VGLL1: variants seen among roughly 807,000 people sequenced by gnomAD.
The protein encoded by VGLL1 is vestigial like family member 1, also known as transcription cofactor vestigial-like protein 1.
In VGLL1, 4 loss-of-function variants were observed where a neutral mutation model predicts 12.0. The ratio of observed to expected loss-of-function variants is 0.33; its 90% confidence interval spans 0.16 to 0.76. The LOEUF is 0.76. Ranked by LOEUF, VGLL1 falls within the 30% of genes least tolerant of loss-of-function variation. The pLI, the probability that VGLL1 is intolerant of heterozygous loss-of-function variation, is 0.60. For missense variants in VGLL1, 204 were observed against 208.7 expected, an observed-to-expected ratio of 0.98 and a Z score of 0.14; for synonymous variants, 87 against 81.2, an observed-to-expected ratio of 1.07 and a Z score of -0.39.
In VGLL1 at chrX:136,546,913, G is replaced by A. The variant is rs752801363; in HGVS notation, c.215-1676G>A. ...TATTGTCTTGCCTTTGGTTTCATAA[G>A]AAGGGCCAACCATCCCCCATCACTC... On this transcript the variant is annotated intron_variant, in intron 2 of 4. Transcript: ENST00000370634. Among the ~76,000 whole-genome samples the A allele has an allele frequency of 3.5e-5, 4 of 112,957 alleles. No individual in the cohort carries two copies. In the East Asian group the frequency reaches 8.3e-4, roughly 23 times the overall value.
intron 2 of VGLL1, among the ~76,000 whole-genome samples, chrX:136,547,842 T>C (rs903258793): frequency 8.9e-6 from 1 of 111,870 alleles, no homozygotes; most frequent in Non-Finnish European, 1.9e-5. Flanking sequence ...ATGCTCATTG[T>C]AATGCTGTTA....
In VGLL1 at chrX:136,548,847, A is replaced by G. The variant is rs145622150; in HGVS notation, c.473A>G (p.Glu158Gly). Residue 158 changes from glutamate to glycine, a missense_variant, in exon 3 of 5, where the codon GAG becomes GGG. Physicochemically the swap from Glu to Gly is moderately conservative, Grantham distance 98. Coordinates refer to ENST00000370634, the MANE Select transcript of VGLL1 (RefSeq NM_016267.4). ...HPFPARHLVP[E>G]PQPDGKREPL... ...TTCCCCGCTCGGCACCTGGTTCCAG[A>G]GCCCCAGCCTGATGGGAAACGTGAG... 2.7e-5 allele frequency: 33 copies of G among 1,210,548 alleles called. No individual in the cohort carries two copies. The African/African-American group carries it at 5.6e-4, about 21-fold the overall frequency.
intron 2 of VGLL1, among the ~76,000 whole-genome samples, chrX:136,544,926 C>T (rs1326083892): frequency 8.9e-6 from 1 of 111,871 alleles, no homozygotes; most frequent in Non-Finnish European, 1.9e-5. Context: ...GTTCTTAGGC[C>T]TCATGCATTA....
At chrX:136,539,538 C>A (rs2075850086) in intron 2 of VGLL1, among the ~76,000 whole-genome samples, 1 of 111,307 alleles carries the variant, frequency 9.0e-6, no homozygotes, top group African/African-American at 3.3e-5. Flanking sequence ...TGCAGTCAGC[C>A]CATAACATTA....
intron 3 of VGLL1, among the ~76,000 whole-genome samples, chrX:136,550,184 C>T (rs1424478186): frequency 8.9e-6 from 1 of 112,295 alleles, no homozygotes; most frequent in African/African-American, 3.2e-5. Context: ...ATTTCCTACC[C>T]CTCTACTCTT....
chrX:136,536,191 A>T lies in VGLL1; in HGVS notation c.171A>T (p.Glu57Asp), dbSNP rs1370579885. ...RALSNIKSPQ[E>D]LTPSSQSEGV... ...TGAGCAATATCAAGAGCCCCCAGGA[A>T]TTGACCCCCTCGAGTCAGAGTGAAG... is the stretch of plus-strand genomic sequence containing the variant. Residue 57 changes from glutamate (E) to aspartate (D), a missense_variant, in exon 2 of 5, where the codon GAA (glutamate) becomes GAT (aspartate). Physicochemically the swap from Glu to Asp is conservative, Grantham distance 45. Transcript: ENST00000370634. 2 of 1,211,280 alleles carry T rather than the reference A, an allele frequency of 1.7e-6. No individual in the cohort carries two copies. Among genetic ancestry groups the T allele is most frequent in the Non-Finnish European group, 2.2e-6 (2 of 895,423 alleles).
chrX:136,533,032 G>T (rs760429416), intron 1 of VGLL1, among the ~76,000 whole-genome samples: 1 of 111,421 alleles, frequency 9.0e-6, no homozygotes, highest in East Asian at 2.8e-4. Context: ...ACCTCTTATG[G>T]AGGGCTCATT....
Position 136,549,155 on chromosome X carries a change from C to T in VGLL1, c.634+147C>T, listed in dbSNP as rs932726404. 6 of 571,645 alleles carry T rather than the reference C, an allele frequency of 1.0e-5. No homozygotes were observed. In the Admixed American group the frequency reaches 1.6e-4, roughly 15 times the overall value. 47.1% of individuals were successfully genotyped at this position (571,645 alleles called of 1,213,427 possible). On this transcript the variant is annotated intron_variant, in intron 3 of 4. Coordinates refer to ENST00000370634, the MANE Select transcript of VGLL1 (RefSeq NM_016267.4). ...GAAGGGATGTTCTGCTTAAATGTTC[C>T]ATACATCTTCACTAGGCTTCATTGA...
At chrX:136,542,037 C>T (rs2075857683) in intron 2 of VGLL1, among the ~76,000 whole-genome samples, 1 of 109,663 alleles carries the variant, frequency 9.1e-6, no homozygotes, top group South Asian at 3.9e-4. Context: ...TGTCCTGTCC[C>T]CAGCCCCAGT....
chrX:136,550,981 A>AT, intron 4 of VGLL1, 160 bp downstream of exon 4: 1 of 469,826 alleles, frequency 2.1e-6, no homozygotes, highest in East Asian at 3.9e-5. Context: ...GTTTTCATAG[A>AT]TAGAATTTGT....
chrX:136,548,177 T>G (rs2075874668), intron 2 of VGLL1, among the ~76,000 whole-genome samples: 1 of 111,388 alleles, frequency 9.0e-6, no homozygotes, highest in South Asian at 3.8e-4. Flanking sequence ...ATTTTTGTAT[T>G]TTTAGTAGAG....
At chrX:136,549,397 C>T (rs2075879217) in intron 3 of VGLL1, among the ~76,000 whole-genome samples, 1 of 111,456 alleles carries the variant, frequency 9.0e-6, no homozygotes, top group Non-Finnish European at 1.9e-5. Context: ...AAACTGTAGC[C>T]TCTAAACAGG....
Position 136,540,356 on chromosome X carries a change from T to C in VGLL1, c.214+4122T>C, listed in dbSNP as rs770616597. ...TCCAGTCTAGGCTCCTTGGTATTCATAAACTATGCCAAGGACAATCCTGCC... is the reference window on the plus strand; with the variant it reads ...TCCAGTCTAGGCTCCTTGGTATTCACAAACTATGCCAAGGACAATCCTGCC... On this transcript the variant is annotated intron_variant, in intron 2 of 4. Coordinates refer to ENST00000370634, the MANE Select transcript of VGLL1 (RefSeq NM_016267.4). Among the ~76,000 whole-genome samples the C allele has an allele frequency of 6.3e-5, 7 of 111,314 alleles. No homozygotes were observed. In the South Asian group the frequency reaches 2.7e-3, roughly 43 times the overall value.
chrX:136,550,838 G>A lies in VGLL1; in HGVS notation c.688+17G>A, dbSNP rs1008139666. On this transcript the variant is annotated intron_variant, in intron 4 of 4. Transcript: ENST00000370634. ...CAAATGAAAGTAGGTATCTGGGCCA[G>A]CCTTTGATGGTGTGTGTCTGTATCC... 5 of 1,193,016 alleles carry A rather than the reference G, an allele frequency of 4.2e-6. No homozygotes were observed. Among genetic ancestry groups the A allele is most frequent in the Non-Finnish European group, 5.7e-6 (5 of 880,563 alleles).
chrX:136,555,212 A>T (rs765191451), intron 4 of VGLL1, among the ~76,000 whole-genome samples: 2 of 112,241 alleles, frequency 1.8e-5, no homozygotes, highest in Non-Finnish European at 3.8e-5. Context: ...GAGATCAAAT[A>T]AGAGAAGGTC....
intron 2 of VGLL1, among the ~76,000 whole-genome samples, chrX:136,538,240 GTCTTCATGGACCTCCT>G (rs2075845806): frequency 8.9e-6 from 1 of 112,260 alleles, no homozygotes; most frequent in Non-Finnish European, 1.9e-5. Context: ...GGACACTTTT[GTCTTCATGGACCTCCT>G]TCCTCCACAA....
chrX:136,545,985 A>G (rs993224158), intron 2 of VGLL1, among the ~76,000 whole-genome samples: 1 of 111,661 alleles, frequency 9.0e-6, no homozygotes, highest in Admixed American at 9.4e-5. Flanking sequence ...GGTAGGGTCT[A>G]GATGCCCAGG....
intron 2 of VGLL1, among the ~76,000 whole-genome samples, chrX:136,537,243 C>T (rs2075842430): frequency 9.1e-6 from 1 of 110,256 alleles, no homozygotes; most frequent in East Asian, 2.8e-4. Context: ...TGTGGTGGCT[C>T]ATACCTATAT....
At chrX:136,537,707 G>C (rs2075843841) in intron 2 of VGLL1, among the ~76,000 whole-genome samples, 1 of 110,151 alleles carries the variant, frequency 9.1e-6, no homozygotes, top group African/African-American at 3.3e-5. Flanking sequence ...TTACAGGTAT[G>C]CGCCACCACA....
Sources: gnomAD v4.1 joint callset for allele counts (sites outside exome capture counted in the v4.1 genomes callset) on GRCh38, gnomAD v4.1.1 for gene constraint, MANE v1.5 for transcripts, NCBI Gene and HGNC (gene_info 2026-07-23, HGNC 2026-07-21) for gene names.